ASAH1: variants seen among roughly 807,000 people sequenced by gnomAD.
ASAH1 encodes acid ceramidase.
Under a neutral mutation model 59.5 loss-of-function variants are expected in ASAH1, and 70 were observed. The observed-to-expected ratio is 1.18, with a 90% CI of 0.97 to 1.43. The LOEUF is 1.43. Among genes scored for constraint, ASAH1 ranks in the 40% most tolerant of loss-of-function variants. The pLI, the probability that ASAH1 is intolerant of heterozygous loss-of-function variation, is 0.00. For synonymous variants in ASAH1, 213 were observed against 166.5 expected, an observed-to-expected ratio of 1.28 and a Z score of -2.15; for missense variants, 660 against 482.5, an observed-to-expected ratio of 1.37 and a Z score of -3.45.
intron 12 of ASAH1, 173 bp downstream of exon 12, chr8:18,059,168 C>A: frequency 1.0e-6 from 1 of 1,001,362 alleles, no homozygotes; most frequent in Non-Finnish European, 1.5e-6. Flanking sequence ...AAGTACAGCA[C>A]AATTTTGCTC....
intron 1 of ASAH1, among the ~76,000 whole-genome samples, chr8:18,079,495 C>A (rs1554812317): frequency 6.6e-6 from 1 of 151,374 alleles, no homozygotes; most frequent in Non-Finnish European, 1.5e-5. Context: ...AAGCGCCATA[C>A]CCTTAAAAAA....
chr8:18,061,852 A>C, intron 8 of ASAH1, 112 bp from the exon 9 acceptor site: 1 of 992,676 alleles, frequency 1.0e-6, no homozygotes, highest in Non-Finnish European at 1.5e-6. Flanking sequence ...GTAATGGGGA[A>C]GGCAAAAATA....
chr8:18,076,286 C>A (rs1339892384), intron 1 of ASAH1: 1 of 154,564 alleles, frequency 6.5e-6, no homozygotes, highest in Non-Finnish European at 1.4e-5. Flanking sequence ...TTTCCTCCCA[C>A]AGCATTTGTG....
intron 2 of ASAH1, 193 bp downstream of exon 2, chr8:18,075,348 G>C (rs1441976984): frequency 7.0e-6 from 5 of 711,048 alleles, no homozygotes; most frequent in Non-Finnish European, 1.3e-5. Context: ...ATTTGAATCG[G>C]AAGATATTTT....
Position 18,057,571 on chromosome 8 carries a change from T to A in ASAH1, c.1151A>T (p.Tyr384Phe). 1 of 1,605,076 alleles carries A rather than the reference T, an allele frequency of 6.2e-7. No homozygotes were observed. Among genetic ancestry groups the A allele is most frequent in the Non-Finnish European group, 8.5e-7 (1 of 1,174,020 alleles). Residue 384 changes from tyrosine (Y) to phenylalanine (F), a missense_variant, in exon 14 of 14, where the codon TAC becomes TTC. Coordinates refer to ENST00000637790, the MANE Select transcript of ASAH1 (RefSeq NM_177924.5). ...ACAAGGGTCAGGGCAGTCCCGCAGG[T>A]AAGTTTCGAATTGACCTTTGGTAAC... ...IDVTKGQFETYLRDCPDPCIG... is the reference protein window; with the variant it reads ...IDVTKGQFETFLRDCPDPCIG...
rs537587024 is a variant in ASAH1 at position 18,073,388 on chromosome 8, A to G, written c.126-1998T>C. The G allele has an allele frequency of 2.3e-3, 2,522 of 1,088,570 alleles. 12 individuals are homozygous for G. The highest frequency in any genetic ancestry group is 2.5e-3 in the Non-Finnish European group (1,844 of 748,202). 67.4% of individuals were successfully genotyped at this position (1,088,570 alleles called of 1,614,324 possible). A position where few individuals can be genotyped will look rare whatever the true frequency, so the allele number is the denominator to read the frequency against. Reference sequence around the variant, plus strand: ...CACTGCAAACAAGAAATATCATTTCATCATTTTTGAGACTTAGTGTTTGCA... The same window carrying G: ...CACTGCAAACAAGAAATATCATTTCGTCATTTTTGAGACTTAGTGTTTGCA... On this transcript the variant is annotated intron_variant, in intron 2 of 13. Coordinates refer to ENST00000637790, the MANE Select transcript of ASAH1 (RefSeq NM_177924.5).
chr8:18,082,786 G>T (rs1244773989), intron 1 of ASAH1, among the ~76,000 whole-genome samples: 2 of 152,130 alleles, frequency 1.3e-5, no homozygotes, highest in Non-Finnish European at 2.9e-5. Context: ...AGCTTATGGT[G>T]TGTTCCTGGT....
At chr8:18,067,083 T>A (rs1225901090) in intron 5 of ASAH1, 137 bp downstream of exon 5, 1 of 198,738 alleles carries the variant, frequency 5.0e-6, no homozygotes, top group Non-Finnish European at 1.2e-5. Flanking sequence ...TTCACTGAGC[T>A]GTATATCTAA....
chr8:18,067,116 A>T, intron 5 of ASAH1, 104 bp downstream of exon 5: 2 of 519,382 alleles, frequency 3.9e-6, no homozygotes, highest in Non-Finnish European at 5.3e-6. Flanking sequence ...TGTGCTGTAT[A>T]TCTAAGACAT....
At chr8:18,063,116 T>G in intron 7 of ASAH1, 69 bp downstream of exon 7, 1 of 1,450,348 alleles carries the variant, frequency 6.9e-7, no homozygotes, top group Non-Finnish European at 9.7e-7. Flanking sequence ...GATCCACCCG[T>G]GTCAGCCTCC....
intron 5 of ASAH1, 170 bp from the exon 6 acceptor site, chr8:18,064,701 T>C: frequency 3.4e-6 from 2 of 586,040 alleles, no homozygotes; most frequent in Non-Finnish European, 6.0e-6. Context: ...CTGGACTCTC[T>C]AGACTCAAGA....
intron 1 of ASAH1, chr8:18,083,416 T>A (rs1184292105): frequency 6.4e-6 from 1 of 156,660 alleles, no homozygotes; most frequent in East Asian, 1.9e-4. Flanking sequence ...TGTGACTTGC[T>A]CGTGGGAAAG....
rs535336475 is a variant in ASAH1 at position 18,062,222 on chromosome 8, A to G, written c.648+57T>C. The G allele has an allele frequency of 4.3e-5, 70 of 1,611,826 alleles. No homozygotes were observed. In the African/African-American group the frequency reaches 6.8e-4, roughly 16 times the overall value. On this transcript the variant is annotated intron_variant, in intron 8 of 13. Coordinates refer to ENST00000637790, the MANE Select transcript of ASAH1 (RefSeq NM_177924.5). ...CATATTCTTAGATTTCAACTTTTACATAACGGTAACAGGACAGAAGGCTAC... is the reference window on the plus strand; with the variant it reads ...CATATTCTTAGATTTCAACTTTTACGTAACGGTAACAGGACAGAAGGCTAC...
At chr8:18,078,577 C>T (rs1800512291) in intron 1 of ASAH1, among the ~76,000 whole-genome samples, 1 of 152,044 alleles carries the variant, frequency 6.6e-6, no homozygotes, top group Admixed American at 6.5e-5. Flanking sequence ...ACTTCCTCCC[C>T]CTCAAAAAAG....
At chr8:18,073,019 C>T (rs565846834) in intron 2 of ASAH1, among the ~76,000 whole-genome samples, 3 of 152,192 alleles carry the variant, frequency 2.0e-5, no homozygotes, top group East Asian at 3.9e-4. Flanking sequence ...CACAACACAA[C>T]GGACAATGAA....
Position 18,057,025 on chromosome 8 carries a change from T to A in ASAH1, c.*509A>T. 6.1e-6 allele frequency: 1 copy of A among 162,768 alleles called. No homozygotes were observed. The highest frequency in any genetic ancestry group is 1.4e-5 in the Non-Finnish European group (1 of 73,844). The allele number at this position is 162,768 out of a possible 1,614,324, so 10.1% of individuals were successfully genotyped here. A position where few individuals can be genotyped will look rare whatever the true frequency, so the allele number is the denominator to read the frequency against. ...TCTAATCATATGTAATAAAATTATA[T>A]CGCTGTCAATAACAGCAAAGATAAT... On this transcript the variant is annotated 3_prime_UTR_variant, in exon 14 of 14. Coordinates refer to ENST00000637790, the MANE Select transcript of ASAH1 (RefSeq NM_177924.5).
At chr8:18,084,855 G>A (rs1800831825), upstream of ASAH1, 3 of 1,602,996 alleles carry the variant, frequency 1.9e-6, no homozygotes, top group African/African-American at 1.3e-5. Context: ...GCGGAGCAGA[G>A]CTCAGCTTGG....
rs1361477619 is a variant in ASAH1 at position 18,059,433 on chromosome 8, C to A, written c.949G>T (p.Val317Leu). 1.2e-6 allele frequency: 2 copies of A among 1,614,074 alleles called. No individual in the cohort carries two copies. Among genetic ancestry groups the A allele is most frequent in the African/African-American group, 2.7e-5 (2 of 74,934 alleles). The change falls in exon 12 of 14, where the codon GTA becomes TTA. Residue 317 changes from valine (V) to leucine (L), a missense_variant. By Grantham distance (32) the Val-to-Leu change is conservative. Coordinates refer to ENST00000637790, the MANE Select transcript of ASAH1 (RefSeq NM_177924.5). ...LDAKQGRWYVVQTNYDRWKHP... is the reference protein window; with the variant it reads ...LDAKQGRWYVLQTNYDRWKHP... ...TTCCAACGGTCATAATTTGTTTGTA[C>A]CACATACCATCTACCCTGCTTAGCA... is the stretch of plus-strand genomic sequence containing the variant.
At position 18,075,027 on chromosome 8, in the gene ASAH1, A is replaced by G. The variant is rs1023125860; in HGVS notation, c.125+514T>C. 5.6e-5 allele frequency among the ~76,000 whole-genome samples: 7 copies of G among 124,700 alleles called. 1 individual carries two copies. In the South Asian group the frequency reaches 1.3e-3, roughly 23 times the overall value. 81.8% of individuals were successfully genotyped at this position (124,700 alleles called of 152,430 possible). On this transcript the variant is annotated intron_variant, in intron 2 of 13. Transcript: ENST00000637790. Reference sequence around the variant, plus strand: ...CTTTTTTTTTTTGAGACAGAGTCTCACTCTGTCGCCCAGACTGGAGTGCAG... The same window carrying G: ...CTTTTTTTTTTTGAGACAGAGTCTCGCTCTGTCGCCCAGACTGGAGTGCAG...
Sources: gnomAD v4.1 joint callset for allele counts (sites outside exome capture counted in the v4.1 genomes callset) on GRCh38, gnomAD v4.1.1 for gene constraint, MANE v1.5 for transcripts, NCBI Gene and HGNC (gene_info 2026-07-23, HGNC 2026-07-21) for gene names.